Variants in CCNJL observed in about 807,000 individuals in gnomAD.
CCNJL encodes the protein cyclin-J-like protein.
A neutral mutation model predicts 33.4 loss-of-function variants in CCNJL; 33 were observed. The ratio of observed to expected loss-of-function variants is 0.99; its 90% confidence interval spans 0.75 to 1.32. CCNJL has a LOEUF of 1.32. CCNJL is among the 40% of genes most tolerant of loss of function. The pLI is 0.00. For synonymous variants in CCNJL, 227 were observed against 220.9 expected, an observed-to-expected ratio of 1.03 and a Z score of -0.24; for missense variants, 512 against 499.7, an observed-to-expected ratio of 1.02 and a Z score of -0.23.
intron 2 of CCNJL, among the ~76,000 whole-genome samples, chr5:160,296,439 C>T (rs1420013283): frequency 2.6e-5 from 4 of 152,198 alleles, no homozygotes; most frequent in South Asian, 2.1e-4. Context: ...GCTTTTTGTT[C>T]GCTGGTCCTT....
Position 160,253,593 on chromosome 5 carries a change from G to A in CCNJL, c.949C>T (p.Arg317Cys), listed in dbSNP as rs370421409. Residue 317 changes from arginine (R) to cysteine (C), a missense_variant, in exon 6 of 6, where the codon CGT (arginine) becomes TGT (cysteine). Transcript: ENST00000257536. ...LAYRDSLQAH[R>C]SGSLLSGSTG... ...CTCCCCGAGAGCAGGCTCCCTGAAC[G>A]GTGGGCCTGCAAGGAGTCCCGATAG... 29 of 1,613,818 alleles carry A rather than the reference G, an allele frequency of 1.8e-5. No individual in the cohort carries two copies. Among genetic ancestry groups the A allele is most frequent in the Non-Finnish European group, 2.3e-5 (27 of 1,179,908 alleles).
upstream of CCNJL, among the ~76,000 whole-genome samples, chr5:160,317,018 G>C (rs1043938938): frequency 6.6e-6 from 1 of 152,198 alleles, no homozygotes; most frequent in Non-Finnish European, 1.5e-5. Context: ...TGGTGTTAAT[G>C]GTTGGCACTG....
chr5:160,312,119 G>C (rs1057185306), intron 1 of CCNJL, 147 bp from the exon 2 acceptor site: 2 of 605,172 alleles, frequency 3.3e-6, no homozygotes, highest in Non-Finnish European at 5.9e-6. Context: ...CCTCTGGTCC[G>C]CGGAAGGCTG....
rs554916887 is a variant in CCNJL at position 160,253,727 on chromosome 5, G to T, written c.815C>A (p.Pro272His). 2 of 1,579,484 alleles carry T rather than the reference G, an allele frequency of 1.3e-6. No individual in the cohort carries two copies. Among genetic ancestry groups the T allele is most frequent in the East Asian group, 2.3e-5 (1 of 44,430 alleles). The change falls in exon 6 of 6, where the codon CCC becomes CAC. Residue 272 changes from proline to histidine, a missense_variant. By Grantham distance (77) the Pro-to-His change is moderately conservative. Transcript: ENST00000257536. Reference sequence around the variant, plus strand: ...GAACAGCACTTGAGTGGGGGTGGGGGGTGTGCCGGGCACCATTGCCAAGGC... The same window carrying T: ...GAACAGCACTTGAGTGGGGGTGGGGTGTGTGCCGGGCACCATTGCCAAGGC... ...SQALAMVPGTPPTPTQVLFQP... is the reference protein window; with the variant it reads ...SQALAMVPGTHPTPTQVLFQP...
At chr5:160,302,256 G>A (rs202136096) in intron 2 of CCNJL, among the ~76,000 whole-genome samples, 18 of 124,442 alleles carry the variant, frequency 1.4e-4, no homozygotes, top group Admixed American at 5.5e-4. Context: ...CAGAAGGACA[G>A]AAAATGACAT....
At chr5:160,291,954 C>T (rs1382699109) in intron 2 of CCNJL, among the ~76,000 whole-genome samples, 1 of 152,038 alleles carries the variant, frequency 6.6e-6, no homozygotes, top group Admixed American at 6.6e-5. Flanking sequence ...TGAACTGGCC[C>T]GACTTGGAAA....
intron 1 of CCNJL, among the ~76,000 whole-genome samples, chr5:160,337,313 C>A (rs958005540): frequency 6.6e-6 from 1 of 151,946 alleles, no homozygotes; most frequent in Non-Finnish European, 1.5e-5. Context: ...AGCCACCGAA[C>A]TTGGCTGCTG....
chr5:160,269,984 A>G (rs1761766384), intron 3 of CCNJL, among the ~76,000 whole-genome samples: 1 of 152,204 alleles, frequency 6.6e-6, no homozygotes, highest in African/African-American at 2.4e-5. Context: ...TGAGGATTAA[A>G]TTAGTAAATC....
At chr5:160,308,682 C>T (rs978217708) in intron 2 of CCNJL, among the ~76,000 whole-genome samples, 1 of 152,296 alleles carries the variant, frequency 6.6e-6, no homozygotes, top group Non-Finnish European at 1.5e-5. Context: ...GGTGTGAACC[C>T]GGGAGGCGGA....
At position 160,311,985 on chromosome 5, in the gene CCNJL, G is replaced by T; in HGVS notation, c.-49-13C>A. The T allele has an allele frequency of 1.3e-6, 2 of 1,514,600 alleles. No homozygotes were observed. Among genetic ancestry groups the T allele is most frequent in the Non-Finnish European group, 1.8e-6 (2 of 1,091,140 alleles). The allele number at this position is 1,514,600 out of a possible 1,614,324, so 93.8% of individuals were successfully genotyped here. A position where few individuals can be genotyped will look rare whatever the true frequency, so the allele number is the denominator to read the frequency against. ...CTCAGGGCGCACCCTGCGTGGACAC[G>T]GGCAACTTCAGCGGCCAGAGCGTAC... On this transcript the variant is annotated splice_polypyrimidine_tract_variant and intron_variant, in intron 1 of 5. Transcript: ENST00000257536.
intron 2 of CCNJL, 103 bp downstream of exon 2, chr5:160,311,755 C>T: frequency 2.7e-6 from 3 of 1,094,712 alleles, no homozygotes; most frequent in African/African-American, 1.5e-5. Flanking sequence ...AAAAAGGCAC[C>T]CGGGAGTTCT....
At chr5:160,315,044 GT>G (rs1763363686), upstream of CCNJL, among the ~76,000 whole-genome samples, 1 of 152,110 alleles carries the variant, frequency 6.6e-6, no homozygotes, top group South Asian at 2.1e-4. Flanking sequence ...TATTTCAAAG[GT>G]GTTTCATCAA....
chr5:160,328,654 G>A (rs1412359982), intron 1 of CCNJL, among the ~76,000 whole-genome samples: 5 of 150,522 alleles, frequency 3.3e-5, no homozygotes, highest in South Asian at 2.1e-4. Context: ...TTGGGATCAC[G>A]AGGTCAGGAG....
intron 2 of CCNJL, among the ~76,000 whole-genome samples, chr5:160,297,806 G>C (rs1337049702): frequency 6.6e-6 from 1 of 152,178 alleles, no homozygotes; most frequent in Non-Finnish European, 1.5e-5. Flanking sequence ...TCACAAAATT[G>C]CATATTATGC....
At chr5:160,275,799 G>T (rs1761989465) in intron 3 of CCNJL, among the ~76,000 whole-genome samples, 1 of 151,388 alleles carries the variant, frequency 6.6e-6, no homozygotes, top group Non-Finnish European at 1.5e-5. Flanking sequence ...TCCTCAGGCT[G>T]GTCCATGCCC....
chr5:160,262,025 G>A lies in CCNJL; in HGVS notation c.281-2254C>T, dbSNP rs550417464. ...TGTATTCCCCAGTTTTTTCTCCAAT[G>A]ATCATGTATTCTTTGTGCAGTTTTT... On this transcript the variant is annotated intron_variant, in intron 3 of 5. Coordinates refer to ENST00000257536, the MANE Select transcript of CCNJL (RefSeq NM_001308173.3). 5.9e-4 allele frequency among the ~76,000 whole-genome samples: 90 copies of A among 152,272 alleles called. 2 individuals carry two copies. Among genetic ancestry groups the A allele is most frequent in the Non-Finnish European group, 9.8e-4 (67 of 68,022 alleles).
At chr5:160,308,345 C>T (rs1763157992) in intron 2 of CCNJL, among the ~76,000 whole-genome samples, 1 of 152,226 alleles carries the variant, frequency 6.6e-6, no homozygotes, top group African/African-American at 2.4e-5. Flanking sequence ...CTTGTCATTC[C>T]ATACACATCG....
intron 1 of CCNJL, among the ~76,000 whole-genome samples, chr5:160,331,891 C>T (rs1391257110): frequency 2.0e-5 from 3 of 152,224 alleles, no homozygotes; most frequent in African/African-American, 7.2e-5. Context: ...TCAGCATCAT[C>T]TGGGAACTTG....
At chr5:160,304,271 G>C (rs1581007202) in intron 2 of CCNJL, among the ~76,000 whole-genome samples, 1 of 152,132 alleles carries the variant, frequency 6.6e-6, no homozygotes, top group Non-Finnish European at 1.5e-5. Flanking sequence ...TCGAGAATAC[G>C]GGTGAAGCAC....
Sources: gnomAD v4.1 joint callset for allele counts (sites outside exome capture counted in the v4.1 genomes callset) on GRCh38, gnomAD v4.1.1 for gene constraint, MANE v1.5 for transcripts, NCBI Gene and HGNC (gene_info 2026-07-23, HGNC 2026-07-21) for gene names.